The following RAB7A variants were observed in gnomAD, a reference collection of about 807,000 sequenced individuals.
RAB7A encodes ras-related protein Rab-7a.
RAB7A carries 2 observed loss-of-function variants against 24.5 expected under a neutral mutation model. That is an observed-to-expected ratio of 0.08 (90% CI 0.03 to 0.26). The LOEUF (loss-of-function observed/expected upper bound fraction) is 0.26, where lower values mean the gene tolerates loss of function less well. Among genes scored for constraint, RAB7A ranks in the 10% least tolerant of loss-of-function variants. The probability of loss-of-function intolerance (pLI) is 1.00; values close to 1 mark genes in which losing one functional copy is unlikely to be tolerated. For synonymous variants in RAB7A, 100 were observed against 95.9 expected (o/e 1.04, Z -0.25); for missense variants, 118 against 255.7 (o/e 0.46, Z 3.67).
Position 128,798,040 on chromosome 3 carries a change from A to T in RAB7A, c.151A>T (p.Met51Leu). 1.9e-6 allele frequency: 3 copies of T among 1,614,100 alleles called. No individual in the cohort carries two copies. The South Asian group carries it at 3.3e-5, about 18-fold the overall frequency. The part of the protein sequence containing the change: ...IGADFLTKEV[M>L]VDDRLVTMQI... Reference sequence around the variant, plus strand: ...AGCTGACTTTCTGACCAAGGAGGTGATGGTGGATGACAGGCTAGTCACAAT... The same window carrying T: ...AGCTGACTTTCTGACCAAGGAGGTGTTGGTGGATGACAGGCTAGTCACAAT... The change falls in exon 3 of 6, where the codon ATG becomes TTG. Residue 51 changes from methionine to leucine, a missense_variant. Met to Leu is a conservative substitution (Grantham distance 15, BLOSUM62 2). Around this residue, in one of 2 missense-constraint regions of RAB7A, gnomAD observed 52 missense variants for 173.5 expected, o/e 0.30. Coordinates refer to ENST00000265062, the MANE Select transcript of RAB7A (RefSeq NM_004637.6).
chr3:128,796,346 G>A (rs1048225926), intron 2 of RAB7A, among the ~76,000 whole-genome samples: 1 of 151,912 alleles, frequency 6.6e-6, no homozygotes, highest in African/African-American at 2.4e-5. Context: ...CAGCTGCTGG[G>A]GAGGCCGAGG....
chr3:128,761,201 A>G (rs182843676), intron 1 of RAB7A, among the ~76,000 whole-genome samples: 1 of 152,220 alleles, frequency 6.6e-6, no homozygotes, highest in Non-Finnish European at 1.5e-5. Context: ...AGGATTCAAC[A>G]TCTAGGTATC....
intron 5 of RAB7A, among the ~76,000 whole-genome samples, chr3:128,809,934 G>GTTTTTTTT (rs1231077081): frequency 8.4e-5 from 4 of 47,548 alleles, no homozygotes; most frequent in African/African-American, 1.7e-4. Context: ...TCTTGCCACA[G>GTTTTTTTT]TCTTTTTTTT....
intron 1 of RAB7A, among the ~76,000 whole-genome samples, chr3:128,751,203 G>T (rs1157939956): frequency 6.6e-6 from 1 of 152,198 alleles, no homozygotes; most frequent in Non-Finnish European, 1.5e-5. Context: ...TCTCCACAGG[G>T]AGACTGCCTA....
intron 1 of RAB7A, among the ~76,000 whole-genome samples, chr3:128,738,364 G>A (rs1172126031): frequency 1.3e-5 from 2 of 152,062 alleles, no homozygotes; most frequent in African/African-American, 4.8e-5. Context: ...CTTGTTTGAG[G>A]CTCTCCACAA....
intron 1 of RAB7A, among the ~76,000 whole-genome samples, chr3:128,758,497 G>A (rs1020979875): frequency 7.3e-5 from 11 of 151,446 alleles, no homozygotes; most frequent in African/African-American, 2.4e-4. Context: ...GGATGGTCTC[G>A]GTCTCCTGAC....
intron 1 of RAB7A, among the ~76,000 whole-genome samples, chr3:128,753,027 T>C (rs1241779074): frequency 4.6e-5 from 7 of 152,200 alleles, no homozygotes; most frequent in Non-Finnish European, 8.8e-5. Context: ...GGGTACATTA[T>C]TAACATCTGT....
At chr3:128,756,884 C>G (rs570622924) in intron 1 of RAB7A, among the ~76,000 whole-genome samples, 1 of 150,828 alleles carries the variant, frequency 6.6e-6, no homozygotes, top group African/African-American at 2.5e-5. Context: ...CGCTCTGTCA[C>G]CCACGCTGGA....
chr3:128,736,529 A>T (rs1310030188), intron 1 of RAB7A, among the ~76,000 whole-genome samples: 1 of 152,152 alleles, frequency 6.6e-6, no homozygotes, highest in African/African-American at 2.4e-5. Flanking sequence ...TCTTACTCCA[A>T]CCAAAGGAGC....
rs765866649 is a variant in RAB7A, at chr3:128,763,188, T to TTATATATA, written c.-8-32158_-8-32151dup. ...GTCTAAAGGCTTGAGTACATTTAGCTTATATATATATATATATATATTTTT... is the reference window on the plus strand; with the variant it reads ...GTCTAAAGGCTTGAGTACATTTAGCTTATATATATATATATATATATATATATATTTTT... On this transcript the variant is annotated intron_variant, in intron 1 of 5. Transcript: ENST00000265062. 4.4e-3 allele frequency among the ~76,000 whole-genome samples: 357 copies of TTATATATA among 81,982 alleles called. 2 individuals are homozygous for TTATATATA. Among genetic ancestry groups the TTATATATA allele is most frequent in the African/African-American group, 7.2e-3 (147 of 20,420 alleles). 53.8% of individuals were successfully genotyped at this position (81,982 alleles called of 152,430 possible).
intron 1 of RAB7A, among the ~76,000 whole-genome samples, chr3:128,775,832 A>G (rs1933074609): frequency 6.6e-6 from 1 of 152,192 alleles, no homozygotes; most frequent in African/African-American, 2.4e-5. Context: ...AAATATATAT[A>G]CACACATTGT....
At chr3:128,790,567 C>T (rs953766960) in intron 1 of RAB7A, among the ~76,000 whole-genome samples, 1 of 152,190 alleles carries the variant, frequency 6.6e-6, no homozygotes, top group Non-Finnish European at 1.5e-5. Context: ...TTGGGAATCT[C>T]TTGGAAGAGG....
rs866364755 is a variant in RAB7A, at chr3:128,774,199, A to T, written c.-8-21161A>T. On this transcript the variant is annotated intron_variant, in intron 1 of 5. Transcript: ENST00000265062. ...TATGTATTAACTAAAAAAAAAAAAA[A>T]TTAAAAAAAAAAAAAGCCTGCAGAA... Among the ~76,000 whole-genome samples, 577 of 131,264 alleles carry T rather than the reference A, an allele frequency of 4.4e-3. 7 individuals are homozygous for T. Among genetic ancestry groups the T allele is most frequent in the African/African-American group, 0.019 (518 of 26,722 alleles). The allele number at this position is 131,264 out of a possible 152,430, so 86.1% of individuals were successfully genotyped here.
intron 1 of RAB7A, among the ~76,000 whole-genome samples, chr3:128,760,020 C>T (rs2107595734): frequency 6.6e-6 from 1 of 152,212 alleles, no homozygotes; most frequent in African/African-American, 2.4e-5. Flanking sequence ...TCGATGATGA[C>T]TTATGAGTCA....
intron 1 of RAB7A, among the ~76,000 whole-genome samples, chr3:128,766,268 A>G (rs1487145245): frequency 1.5e-4 from 23 of 152,220 alleles, no homozygotes; most frequent in Admixed American, 1.4e-3. Context: ...GCAAAATTGC[A>G]TCTCTCCAGA....
chr3:128,794,170 A>C (rs1485599930), intron 1 of RAB7A, among the ~76,000 whole-genome samples: 1 of 152,228 alleles, frequency 6.6e-6, no homozygotes, highest in East Asian at 1.9e-4. Flanking sequence ...TAGGAGCTGT[A>C]ACCTGCTGCT....
At chr3:128,760,784 A>G (rs1348192594) in intron 1 of RAB7A, among the ~76,000 whole-genome samples, 2 of 152,222 alleles carry the variant, frequency 1.3e-5, no homozygotes, top group African/African-American at 4.8e-5. Flanking sequence ...AGGCCTTGAA[A>G]TCTTTTGTGG....
At chr3:128,756,884 C>A (rs570622924) in intron 1 of RAB7A, among the ~76,000 whole-genome samples, 1 of 150,938 alleles carries the variant, frequency 6.6e-6, no homozygotes, top group South Asian at 2.1e-4. Context: ...CGCTCTGTCA[C>A]CCACGCTGGA....
At chr3:128,765,657 C>T (rs1053575341) in intron 1 of RAB7A, among the ~76,000 whole-genome samples, 3 of 152,008 alleles carry the variant, frequency 2.0e-5, no homozygotes, top group Non-Finnish European at 2.9e-5. Context: ...GTGGAAGGGG[C>T]GAGGTGGCTC....
Sources: gnomAD v4.1 joint callset for allele counts (sites outside exome capture counted in the v4.1 genomes callset) on GRCh38, gnomAD v4.1.1 for gene constraint, gnomAD v4.1.1 regional missense constraint, MANE v1.5 for transcripts, NCBI Gene and HGNC (gene_info 2026-07-23, HGNC 2026-07-21) for gene names.